The following PLEKHA3 variants were observed in gnomAD, a reference collection of about 807,000 sequenced individuals.
The protein encoded by PLEKHA3 is pleckstrin homology domain-containing family A member 3.
A neutral mutation model predicts 39.2 loss-of-function variants in PLEKHA3; 19 were observed. The ratio of observed to expected loss-of-function variants is 0.48; its 90% CI spans 0.34 to 0.71. The LOEUF is 0.71. Ranked by LOEUF, PLEKHA3 falls within the 30% of genes least tolerant of loss-of-function variation. The pLI is 0.01. For synonymous variants in PLEKHA3, 97 were observed against 118.6 expected, an observed-to-expected ratio of 0.82 and a Z score of 1.18; for missense variants, 253 against 359.5, an observed-to-expected ratio of 0.70 and a Z score of 2.40.
chr2:178,490,668 C>G lies in PLEKHA3; in HGVS notation c.167C>G (p.Ala56Gly). ...TTGTTTATCATCATAGTTCATTCAG[C>G]AGACAACACAAGAATGGAATTAATC... ...MAVCEIKVHS[A>G]DNTRMELIIP... The change falls in exon 3 of 8, where the codon GCA (alanine) becomes GGA (glycine). Residue 56 changes from alanine to glycine, a missense_variant. By Grantham distance (60) the Ala-to-Gly change is moderately conservative (BLOSUM62 0). Coordinates refer to ENST00000234453, the MANE Select transcript of PLEKHA3 (RefSeq NM_019091.4). The G allele has an allele frequency of 6.2e-7, 1 of 1,612,928 alleles. No individual in the cohort carries two copies. The highest frequency in any genetic ancestry group is 8.5e-7 in the Non-Finnish European group (1 of 1,179,320).
At chr2:178,492,686 G>T (rs1685370594) in intron 3 of PLEKHA3, among the ~76,000 whole-genome samples, 1 of 151,170 alleles carries the variant, frequency 6.6e-6, no homozygotes, top group Non-Finnish European at 1.5e-5. Flanking sequence ...CCACTTATAT[G>T]AAATACCCAG....
At position 178,508,440 on chromosome 2, in the gene PLEKHA3, C is replaced by G. The variant is rs971740017; in HGVS notation, c.*4553C>G. ...GTTTCTTGAATGGTTCTCCCCCTCC[C>G]CCACCATGTTTCTGCTTTCTATTTA... On this transcript the variant is annotated 3_prime_UTR_variant, in exon 8 of 8. Coordinates refer to ENST00000234453, the MANE Select transcript of PLEKHA3 (RefSeq NM_019091.4). The G allele has an allele frequency of 6.6e-6, 1 of 152,170 alleles. No individual in the cohort carries two copies. Among genetic ancestry groups the G allele is most frequent in the Non-Finnish European group, 1.5e-5 (1 of 68,038 alleles). 9.4% of individuals were successfully genotyped at this position (152,170 alleles called of 1,614,324 possible).
chr2:178,500,243 A>AT (rs1685509631), intron 6 of PLEKHA3, among the ~76,000 whole-genome samples: 1 of 151,854 alleles, frequency 6.6e-6, no homozygotes, highest in Non-Finnish European at 1.5e-5. Context: ...TCATGTTTTA[A>AT]TTTTTTCCCC....
At chr2:178,498,833 A>G (rs1051533355) in intron 5 of PLEKHA3, among the ~76,000 whole-genome samples, 5 of 152,052 alleles carry the variant, frequency 3.3e-5, no homozygotes, top group African/African-American at 1.2e-4. Flanking sequence ...TATTTATTAG[A>G]ATATTTTGTG....
chr2:178,502,387 A>C (rs1048471066), intron 7 of PLEKHA3: 12 of 428,234 alleles, frequency 2.8e-5, no homozygotes, highest in Non-Finnish European at 5.6e-5. Flanking sequence ...GGGAGAAAGA[A>C]ACTTTCTTGG....
intron 2 of PLEKHA3, among the ~76,000 whole-genome samples, chr2:178,487,066 A>G (rs1453278989): frequency 6.6e-6 from 1 of 152,218 alleles, no homozygotes; most frequent in Non-Finnish European, 1.5e-5. Flanking sequence ...TACAAGGAAA[A>G]GTGGGAATTT....
rs1027527354 is a variant in PLEKHA3, at chr2:178,509,389, G to A, written c.*5502G>A. 3 of 152,086 alleles carry A rather than the reference G, an allele frequency of 2.0e-5. No homozygotes were observed. The highest frequency in any genetic ancestry group is 7.2e-5 in the African/African-American group (3 of 41,384). The allele number at this position is 152,086 out of a possible 1,614,324, so 9.4% of individuals were successfully genotyped here. On this transcript the variant is annotated 3_prime_UTR_variant, in exon 8 of 8. Transcript: ENST00000234453. ...GATTAGAAGAATCAATTCATAAAAAGCAGTTAGAAAAGTGCTGGGCACGTA... is the reference window on the plus strand; with the variant it reads ...GATTAGAAGAATCAATTCATAAAAAACAGTTAGAAAAGTGCTGGGCACGTA...
intron 4 of PLEKHA3, 45 bp from the exon 5 acceptor site, chr2:178,495,451 T>A (rs1559384636): frequency 1.9e-6 from 3 of 1,578,552 alleles, no homozygotes; most frequent in Non-Finnish European, 2.6e-6. Context: ...TATGATTCCA[T>A]GTAGTTGTAT....
chr2:178,491,568 C>T (rs114074474), intron 3 of PLEKHA3, among the ~76,000 whole-genome samples: 1,751 of 152,220 alleles, frequency 0.012, 36 homozygotes, highest in African/African-American at 0.04. Context: ...TTACCATGTA[C>T]GCATATTGCC....
chr2:178,482,271 T>G (rs1685179122), intron 1 of PLEKHA3, among the ~76,000 whole-genome samples: 3 of 152,134 alleles, frequency 2.0e-5, no homozygotes, highest in Admixed American at 6.5e-5. Context: ...GTAGAGTGCT[T>G]CATGCTTGTA....
intron 1 of PLEKHA3, among the ~76,000 whole-genome samples, chr2:178,483,739 C>G (rs986992754): frequency 6.6e-6 from 1 of 152,140 alleles, no homozygotes; most frequent in Non-Finnish European, 1.5e-5. Context: ...ATGATCAATA[C>G]AATATACTCT....
intron 2 of PLEKHA3, 130 bp downstream of exon 2, chr2:178,485,887 G>A (rs1685244078): frequency 3.3e-6 from 2 of 601,886 alleles, no homozygotes; most frequent in Non-Finnish European, 5.9e-6. Context: ...ATCCTTAGCA[G>A]TCAGGAGTGG....
At chr2:178,485,831 A>G (rs1685240755) in intron 2 of PLEKHA3, 74 bp downstream of exon 2, 2 of 1,117,080 alleles carry the variant, frequency 1.8e-6, no homozygotes, top group Admixed American at 1.9e-5. Context: ...CCAGACGAGG[A>G]AAAAAAGCAT....
intron 6 of PLEKHA3, among the ~76,000 whole-genome samples, chr2:178,500,731 C>G (rs1297098515): frequency 6.6e-6 from 1 of 152,048 alleles, no homozygotes; most frequent in African/African-American, 2.4e-5. Flanking sequence ...AAAATACATG[C>G]ATTCATGAAA....
chr2:178,507,183 C>G lies in PLEKHA3; in HGVS notation c.*3296C>G, dbSNP rs543152381. On this transcript the variant is annotated 3_prime_UTR_variant, in exon 8 of 8. Coordinates refer to ENST00000234453, the MANE Select transcript of PLEKHA3 (RefSeq NM_019091.4). The stretch of plus-strand genomic sequence containing the variant: ...GACTTATCAATTTCAGAAACAGTTT[C>G]TCGAATACCTTTTATGGTAGACAGG... 8 of 152,196 alleles carry G rather than the reference C, an allele frequency of 5.3e-5. No individual in the cohort carries two copies. The highest frequency in any genetic ancestry group is 1.7e-4 in the African/African-American group (7 of 41,532). The allele number at this position is 152,196 out of a possible 1,614,324, so 9.4% of individuals were successfully genotyped here. A position where few individuals can be genotyped will look rare whatever the true frequency, so the allele number is the denominator to read the frequency against.
At chr2:178,491,549 C>T (rs2154127738) in intron 3 of PLEKHA3, among the ~76,000 whole-genome samples, 1 of 152,296 alleles carries the variant, frequency 6.6e-6, no homozygotes, top group Non-Finnish European at 1.5e-5. Flanking sequence ...CCTTTGGTAT[C>T]TTTTGACTTT....
chr2:178,483,388 A>G (rs1422006754), intron 1 of PLEKHA3, among the ~76,000 whole-genome samples: 2 of 152,172 alleles, frequency 1.3e-5, no homozygotes, highest in African/African-American at 2.4e-5. Context: ...AATCTTTTTC[A>G]CAGATATTAC....
Position 178,515,068 on chromosome 2 carries a change from T to C in PLEKHA3, c.*11181T>C, listed in dbSNP as rs1298515486. On this transcript the variant is annotated 3_prime_UTR_variant, in exon 8 of 8. Transcript: ENST00000234453. The stretch of plus-strand genomic sequence containing the variant: ...TTTTTTTTTTTTTTTTTTTGTAGCA[T>C]ATGGCTTCCTCTACTGTATGTTGGC... 6.9e-6 allele frequency: 1 copy of C among 144,296 alleles called. No individual in the cohort carries two copies. The highest frequency in any genetic ancestry group is 2.6e-5 in the African/African-American group (1 of 38,606). The allele number at this position is 144,296 out of a possible 1,614,324, so 8.9% of individuals were successfully genotyped here.
At chr2:178,481,502 A>C (rs1685162738) in intron 1 of PLEKHA3, among the ~76,000 whole-genome samples, 1 of 152,230 alleles carries the variant, frequency 6.6e-6, no homozygotes, top group African/African-American at 2.4e-5. Flanking sequence ...AGTGGAAGAA[A>C]GTGTCAATAC....
Sources: gnomAD v4.1 joint callset for allele counts (sites outside exome capture counted in the v4.1 genomes callset) on GRCh38, gnomAD v4.1.1 for gene constraint, MANE v1.5 for transcripts, NCBI Gene and HGNC (gene_info 2026-07-23, HGNC 2026-07-21) for gene names.